The following SHISA9 variants were observed in gnomAD, a reference collection of about 807,000 sequenced individuals.
The protein encoded by SHISA9 is shisa family member 9.
Under a neutral mutation model 38.0 loss-of-function variants are expected in SHISA9, and 13 were observed. That is an observed-to-expected ratio of 0.34 (90% confidence interval 0.22 to 0.54). The LOEUF is 0.54. SHISA9 is among the 20% of genes least tolerant of loss of function. The pLI, the probability that SHISA9 is intolerant of heterozygous loss-of-function variation, is 0.91. For synonymous variants in SHISA9, 275 were observed against 242.0 expected (o/e 1.14, Z -1.27); for missense variants, 538 against 575.8 (o/e 0.93, Z 0.67).
At chr16:13,123,792 G>T (rs564182399) in intron 2 of SHISA9, among the ~76,000 whole-genome samples, 31 of 152,320 alleles carry the variant, frequency 2.0e-4, no homozygotes, top group Middle Eastern at 3.4e-3. Flanking sequence ...GTGGGACTAT[G>T]GGAGCTAGAC....
At chr16:13,345,555 C>T in the SHISA9 span, among the ~76,000 whole-genome samples, 32 of 152,156 alleles carry the variant, frequency 2.1e-4, no homozygotes, top group African/African-American at 7.5e-4. Flanking sequence ...GTGAATAGTG[C>T]TTCAATGAAC....
chr16:12,958,480 A>T (rs920539816), intron 2 of SHISA9, among the ~76,000 whole-genome samples: 2 of 152,126 alleles, frequency 1.3e-5, no homozygotes, highest in Non-Finnish European at 2.9e-5. Context: ...ATTTGCCCAG[A>T]GTGTGGGCCT....
the SHISA9 span, among the ~76,000 whole-genome samples, chr16:13,541,680 G>A: frequency 2.0e-5 from 3 of 152,114 alleles, no homozygotes; most frequent in Non-Finnish European, 2.9e-5. Context: ...GGGTCTTCGG[G>A]GACAGAATCC....
chr16:13,064,795 A>G (rs1038278086), intron 2 of SHISA9, among the ~76,000 whole-genome samples: 16 of 151,660 alleles, frequency 1.1e-4, no homozygotes, highest in South Asian at 4.1e-4. Flanking sequence ...AAAAAAAAAA[A>G]AAAAAAGAAA....
the SHISA9 span, among the ~76,000 whole-genome samples, chr16:13,492,922 A>G: frequency 6.6e-6 from 1 of 152,202 alleles, no homozygotes. Context: ...AGAAACAGCC[A>G]GAGGCCTCTG....
intron 2 of SHISA9, among the ~76,000 whole-genome samples, chr16:13,061,250 C>T (rs992767092): frequency 2.6e-5 from 4 of 152,142 alleles, no homozygotes; most frequent in Non-Finnish European, 4.4e-5. Flanking sequence ...CTACAGCCAG[C>T]GATATAAATA....
the SHISA9 span, among the ~76,000 whole-genome samples, chr16:13,253,735 T>A: frequency 6.6e-6 from 1 of 152,088 alleles, no homozygotes; most frequent in Admixed American, 6.6e-5. Context: ...GAGATTTGGG[T>A]GGGGACACAG....
chr16:13,301,033 CA>C, the SHISA9 span, among the ~76,000 whole-genome samples: 4 of 151,862 alleles, frequency 2.6e-5, no homozygotes, highest in Non-Finnish European at 5.9e-5. Context: ...CTTTTATCAC[CA>C]ATTCGTCTTT....
chr16:12,944,986 G>T (rs2071670208), intron 2 of SHISA9, among the ~76,000 whole-genome samples: 1 of 152,178 alleles, frequency 6.6e-6, no homozygotes, highest in Admixed American at 6.5e-5. Flanking sequence ...CTCTGGGGGA[G>T]CAAGAAGAAC....
At chr16:13,395,168 G>C in the SHISA9 span, among the ~76,000 whole-genome samples, 3 of 152,178 alleles carry the variant, frequency 2.0e-5, no homozygotes, top group Non-Finnish European at 4.4e-5. Context: ...TAAGAATTTG[G>C]AGGGCTGGTG....
intron 2 of SHISA9, among the ~76,000 whole-genome samples, chr16:13,186,648 G>T (rs1451444440): frequency 2.0e-5 from 3 of 151,968 alleles, no homozygotes; most frequent in Admixed American, 1.3e-4. Context: ...TAGTACATTC[G>T]CATTGTTGTG....
the SHISA9 span, among the ~76,000 whole-genome samples, chr16:13,531,852 G>A: frequency 1.3e-5 from 2 of 152,088 alleles, no homozygotes; most frequent in Non-Finnish European, 2.9e-5. Flanking sequence ...GTGGCACAGG[G>A]CCTAAATGAA....
intron 2 of SHISA9, among the ~76,000 whole-genome samples, chr16:13,156,523 G>A (rs956298383): frequency 9.9e-5 from 15 of 151,832 alleles, no homozygotes; most frequent in Admixed American, 7.2e-4. Flanking sequence ...TCACAAGGTC[G>A]GGAGATCGAG....
At chr16:13,528,565 A>G in the SHISA9 span, among the ~76,000 whole-genome samples, 2 of 152,206 alleles carry the variant, frequency 1.3e-5, no homozygotes, top group African/African-American at 4.8e-5. Context: ...AATCCCAAAA[A>G]GAAAGAAAGG....
chr16:13,387,876 A>G, the SHISA9 span, among the ~76,000 whole-genome samples: 3 of 152,146 alleles, frequency 2.0e-5, no homozygotes, highest in African/African-American at 7.2e-5. Flanking sequence ...GTTCTCCACC[A>G]TTGGAGTGAA....
At chr16:13,482,247 T>C in the SHISA9 span, among the ~76,000 whole-genome samples, 15 of 152,330 alleles carry the variant, frequency 9.8e-5, no homozygotes, top group African/African-American at 3.4e-4. Flanking sequence ...CCATGGGTGA[T>C]TTAACTGTAT....
chr16:13,362,106 A>G, the SHISA9 span, among the ~76,000 whole-genome samples: 1 of 151,738 alleles, frequency 6.6e-6, no homozygotes, highest in Non-Finnish European at 1.5e-5. Context: ...GCTCATGCCT[A>G]TAATCCCAGC....
At chr16:13,262,699 A>AGGAC in the SHISA9 span, among the ~76,000 whole-genome samples, 9 of 150,046 alleles carry the variant, frequency 6.0e-5, 1 homozygote, top group African/African-American at 2.2e-4. Flanking sequence ...GAAGGAAGGA[A>AGGAC]GGAAGGAAGG....
At chr16:13,037,058 T>TCTCTCA (rs1474471632) in intron 2 of SHISA9, among the ~76,000 whole-genome samples, 1 of 135,904 alleles carries the variant, frequency 7.4e-6, no homozygotes, top group African/African-American at 3.0e-5. Context: ...CAGGGAATGA[T>TCTCTCA]CACACACACA....
Sources: gnomAD v4.1 joint callset for allele counts (sites outside exome capture counted in the v4.1 genomes callset) on GRCh38, gnomAD v4.1.1 for gene constraint, MANE v1.5 for transcripts, NCBI Gene and HGNC (gene_info 2026-07-23, HGNC 2026-07-21) for gene names.